Variants in KANK1 observed in about 807,000 individuals in gnomAD.
KANK1 encodes KN motif and ankyrin repeat domains 1.
Under a neutral mutation model 106.2 loss-of-function variants are expected in KANK1, and 109 were observed. The observed-to-expected ratio is 1.03, with a 90% CI of 0.88 to 1.20. The LOEUF is 1.20. Among genes scored for constraint, KANK1 ranks in the 50% most tolerant of loss-of-function variants. The pLI, the probability that KANK1 is intolerant of heterozygous loss-of-function variation, is 0.00. For synonymous variants in KANK1, 873 were observed against 652.2 expected (o/e 1.34, Z -5.16); for missense variants, 2,399 against 1,710.7 (o/e 1.40, Z -7.10).
chr9:703,035 A>T (rs564062013), intron 2 of KANK1, among the ~76,000 whole-genome samples: 1 of 152,172 alleles, frequency 6.6e-6, no homozygotes, highest in African/African-American at 2.4e-5. Flanking sequence ...TCTGTTGCCC[A>T]GGCTGGAATG....
At chr9:585,286 A>C (rs1481527955) in intron 1 of KANK1, among the ~76,000 whole-genome samples, 1 of 152,164 alleles carries the variant, frequency 6.6e-6, no homozygotes, top group African/African-American at 2.4e-5. Context: ...TGCCATTGAG[A>C]GTTTGGTCTT....
At chr9:674,693 G>A (rs933424531) in intron 1 of KANK1, among the ~76,000 whole-genome samples, 1 of 152,066 alleles carries the variant, frequency 6.6e-6, no homozygotes, top group Non-Finnish European at 1.5e-5. Context: ...AAATAAGACA[G>A]AAGGGGTCTA....
At chr9:630,600 A>T (rs934581714) in intron 1 of KANK1, among the ~76,000 whole-genome samples, 2 of 151,924 alleles carry the variant, frequency 1.3e-5, no homozygotes, top group East Asian at 3.9e-4. Context: ...GGAAGGTGAG[A>T]GAGGCTGCAG....
intron 1 of KANK1, among the ~76,000 whole-genome samples, chr9:522,950 T>C (rs917722554): frequency 6.6e-6 from 1 of 151,776 alleles, no homozygotes; most frequent in Non-Finnish European, 1.5e-5. Context: ...GAGTTAATGT[T>C]AGCCTTTTGC....
chr9:576,333 G>A (rs2135090424), intron 1 of KANK1, among the ~76,000 whole-genome samples: 1 of 152,288 alleles, frequency 6.6e-6, no homozygotes, highest in South Asian at 2.1e-4. Context: ...GAAGCAGCTG[G>A]CAGCCTCCTT....
At chr9:576,862 A>T (rs1244419116) in intron 1 of KANK1, among the ~76,000 whole-genome samples, 1 of 152,070 alleles carries the variant, frequency 6.6e-6, no homozygotes, top group Non-Finnish European at 1.5e-5. Context: ...GAAAGCTTGT[A>T]TTGTGTCCGG....
intron 1 of KANK1, among the ~76,000 whole-genome samples, chr9:654,819 GA>G (rs1292373447): frequency 1.8e-3 from 22 of 12,228 alleles, no homozygotes; most frequent in Non-Finnish European, 3.2e-4. Flanking sequence ...GTGTGTGAGA[GA>G]GAGAGAGAGA....
At chr9:673,115 A>G (rs1364375680) in intron 1 of KANK1, among the ~76,000 whole-genome samples, 1 of 152,240 alleles carries the variant, frequency 6.6e-6, no homozygotes, top group East Asian at 1.9e-4. Flanking sequence ...CAGCATGAAT[A>G]ATAACTGAGA....
At chr9:541,777 AAAAT>A (rs1268865298) in intron 1 of KANK1, among the ~76,000 whole-genome samples, 2 of 152,224 alleles carry the variant, frequency 1.3e-5, no homozygotes, top group African/African-American at 4.8e-5. Flanking sequence ...CAATAGCAAG[AAAAT>A]AAATAACCGG....
chr9:538,064 C>T (rs1361474107), intron 1 of KANK1, among the ~76,000 whole-genome samples: 1 of 151,234 alleles, frequency 6.6e-6, no homozygotes, highest in African/African-American at 2.4e-5. Context: ...TGGAGCAGAG[C>T]TATTGAGGGC....
rs1564105985 is a variant in KANK1 at position 732,290 on chromosome 9, T to TTGCTAAAA, written c.3006-88_3006-87insTGCTAAAA. On this transcript the variant is annotated intron_variant, in intron 5 of 11. Transcript: ENST00000382297. ...AAAACCACTAGTGAAATTTCTGGAG[T>TTGCTAAAA]CAATTAGCAAATCCCTTCATAGAAA... 7.5e-6 allele frequency: 11 copies of TTGCTAAAA among 1,461,844 alleles called. No individual in the cohort carries two copies. The East Asian group carries it at 2.1e-4, about 27-fold the overall frequency. The allele number at this position is 1,461,844 out of a possible 1,614,324, so 90.6% of individuals were successfully genotyped here.
At position 477,304 on chromosome 9, in the gene KANK1, G is replaced by GA. The variant is rs74361424; in HGVS notation, c.-362+4047dup. 4.2e-3 allele frequency among the ~76,000 whole-genome samples: 378 copies of GA among 89,246 alleles called. 2 individuals carry two copies. The highest frequency in any genetic ancestry group is 6.8e-3 in the Middle Eastern group (1 of 148). 58.5% of individuals were successfully genotyped at this position (89,246 alleles called of 152,430 possible). On this transcript the variant is annotated intron_variant, in intron 3 of 15. Transcript: ENST00000382303. ...GATTGTTACAGCAGGAATGCAAACA[G>GA]AAAAAAAAAAAAAAAAGATCTAGCT...
At chr9:556,167 A>G (rs909721043) in intron 1 of KANK1, among the ~76,000 whole-genome samples, 1 of 152,364 alleles carries the variant, frequency 6.6e-6, no homozygotes, top group African/African-American at 2.4e-5. Flanking sequence ...CTTATTTTAA[A>G]GAGGAGGAGA....
chr9:568,638 C>CTGAT (rs1452090847), intron 1 of KANK1, among the ~76,000 whole-genome samples: 3 of 152,114 alleles, frequency 2.0e-5, no homozygotes, highest in African/African-American at 7.2e-5. Context: ...TACAGGTGTG[C>CTGAT]ATCACCATGC....
chr9:715,979 C>T (rs1267671944), intron 3 of KANK1, among the ~76,000 whole-genome samples: 2 of 152,158 alleles, frequency 1.3e-5, no homozygotes, highest in Admixed American at 6.5e-5. Context: ...GCACACCATA[C>T]CATAGAGAAT....
chr9:735,738 G>T (rs907374760), intron 7 of KANK1: 2 of 442,386 alleles, frequency 4.5e-6, no homozygotes, highest in African/African-American at 2.0e-5. Flanking sequence ...TGACACCTAT[G>T]ATCCCAACAC....
At chr9:545,425 G>A (rs1424590707) in intron 1 of KANK1, among the ~76,000 whole-genome samples, 1 of 152,200 alleles carries the variant, frequency 6.6e-6, no homozygotes, top group Non-Finnish European at 1.5e-5. Context: ...TCTTTCCCAT[G>A]TGGATAGTAA....
rs755649471 is a variant in KANK1, at chr9:738,476, C to G, written c.3525C>G (p.Phe1175Leu). Residue 1175 changes from phenylalanine (F) to leucine (L), a missense_variant, in exon 8 of 12, where the codon TTC becomes TTG. Phe to Leu is a conservative substitution (Grantham distance 22, BLOSUM62 0). Coordinates refer to ENST00000382297, the MANE Select transcript of KANK1 (RefSeq NM_015158.5). The part of the protein sequence containing the change: ...ALHYSVSHSN[F>L]EIVKLLLDAD... Reference sequence around the variant, plus strand: ...ATTACAGCGTGTCCCACTCCAACTTCGAGATTGTGAAGCTGCTGTTAGATG... The same window carrying G: ...ATTACAGCGTGTCCCACTCCAACTTGGAGATTGTGAAGCTGCTGTTAGATG... 2.5e-6 allele frequency: 4 copies of G among 1,614,144 alleles called. No individual in the cohort carries two copies. The highest frequency in any genetic ancestry group is 3.4e-6 in the Non-Finnish European group (4 of 1,179,998).
chr9:713,472 G>A lies in KANK1; in HGVS notation c.2698+8G>A. ...GTCTGGGTAAAATCACAGGTAGGTG[G>A]TACCCTGAGGACCTGGGAATGAGGA... On this transcript the variant is annotated splice_region_variant and intron_variant, in intron 3 of 11. Coordinates refer to ENST00000382297, the MANE Select transcript of KANK1 (RefSeq NM_015158.5). 1 of 1,553,832 alleles carries A rather than the reference G, an allele frequency of 6.4e-7. No homozygotes were observed. The highest frequency in any genetic ancestry group is 8.7e-7 in the Non-Finnish European group (1 of 1,152,880).
Sources: gnomAD v4.1 joint callset for allele counts (sites outside exome capture counted in the v4.1 genomes callset) on GRCh38, gnomAD v4.1.1 for gene constraint, MANE v1.5 for transcripts, NCBI Gene and HGNC (gene_info 2026-07-23, HGNC 2026-07-21) for gene names.